Variants in CPNE4 observed in about 807,000 individuals in gnomAD.
CPNE4 encodes the protein copine 4, also known as copine-4.
A neutral mutation model predicts 67.9 loss-of-function variants in CPNE4; 25 were observed. That is an observed-to-expected ratio of 0.37 (90% CI 0.27 to 0.51). The LOEUF (loss-of-function observed/expected upper bound fraction) is 0.51. CPNE4 is among the 20% of genes least tolerant of loss of function. CPNE4 has a pLI of 0.93. For missense variants in CPNE4, 464 were observed against 690.8 expected, an observed-to-expected ratio of 0.67 and a Z score of 3.68; for synonymous variants, 242 against 244.9, an observed-to-expected ratio of 0.99 and a Z score of 0.11.
At chr3:131,675,942 T>A (rs1013365036) in intron 6 of CPNE4, among the ~76,000 whole-genome samples, 12 of 144,686 alleles carry the variant, frequency 8.3e-5, no homozygotes, top group Non-Finnish European at 1.3e-4. Flanking sequence ...TGGTTTATGT[T>A]TTTTTAAATT....
rs145360395 is a variant in CPNE4 at position 131,676,403 on chromosome 3, A to G, written c.592-6639T>C. 3.5e-3 allele frequency among the ~76,000 whole-genome samples: 537 copies of G among 152,190 alleles called. 3 individuals carry two copies. The highest frequency in any genetic ancestry group is 6.2e-3 in the Non-Finnish European group (424 of 67,986). On this transcript the variant is annotated intron_variant, in intron 6 of 15. Coordinates refer to ENST00000429747, the MANE Select transcript of CPNE4 (RefSeq NM_130808.3). ...TTTTAACTTCTAGTTTCAGGGGTAC[A>G]TATGCAGGATGTGCAGGTTTGTTAC...
chr3:131,918,717 G>A (rs980378127), intron 1 of CPNE4, among the ~76,000 whole-genome samples: 1 of 152,002 alleles, frequency 6.6e-6, no homozygotes, highest in African/African-American at 2.4e-5. Flanking sequence ...ACATAAAACA[G>A]TTTTTTTGTA....
intron 1 of CPNE4, among the ~76,000 whole-genome samples, chr3:131,983,584 G>T (rs530945722): frequency 6.6e-6 from 1 of 152,108 alleles, no homozygotes; most frequent in African/African-American, 2.4e-5. Flanking sequence ...TTGTATAAGG[G>T]TATAATTTAT....
intron 7 of CPNE4, among the ~76,000 whole-genome samples, chr3:131,644,195 TG>T (rs1018195536): frequency 6.6e-6 from 1 of 152,016 alleles, no homozygotes; most frequent in Non-Finnish European, 1.5e-5. Flanking sequence ...TCACCCAGGC[TG>T]GAGTGCAGTG....
intron 8 of CPNE4, among the ~76,000 whole-genome samples, chr3:131,583,874 C>T (rs748027733): frequency 6.6e-6 from 1 of 152,168 alleles, no homozygotes; most frequent in Non-Finnish European, 1.5e-5. Context: ...AAAGAACTTT[C>T]CCAGGTCATA....
At chr3:131,928,241 T>TTATACCATAATTAATG (rs533637014) in intron 1 of CPNE4, among the ~76,000 whole-genome samples, 1,941 of 152,236 alleles carry the variant, frequency 0.013, 29 homozygotes, top group African/African-American at 0.042. Context: ...CATGTATTAA[T>TTATACCATAATTAATG]TATACCATAA....
At chr3:131,670,491 C>T (rs1236439382) in intron 6 of CPNE4, among the ~76,000 whole-genome samples, 1 of 152,162 alleles carries the variant, frequency 6.6e-6, no homozygotes, top group Non-Finnish European at 1.5e-5. Flanking sequence ...AACTATGGTT[C>T]AAATAATTCA....
At chr3:131,686,490 A>G (rs985722984) in intron 5 of CPNE4, among the ~76,000 whole-genome samples, 52 of 152,226 alleles carry the variant, frequency 3.4e-4, no homozygotes, top group Non-Finnish European at 4.8e-4. Context: ...AGGTTTTTAC[A>G]TGAGTCTTTA....
chr3:131,899,823 T>C (rs9867845), intron 2 of CPNE4, among the ~76,000 whole-genome samples: 113,488 of 151,976 alleles, frequency 0.75, 42,721 homozygotes, highest in African/African-American at 0.83. Context: ...GGTAAAATTG[T>C]TATTTTGAGT....
chr3:131,632,792 G>A (rs1182200303), intron 7 of CPNE4, among the ~76,000 whole-genome samples: 2 of 151,936 alleles, frequency 1.3e-5, no homozygotes, highest in African/African-American at 4.8e-5. Flanking sequence ...CTCAGTCTTG[G>A]TACTGTTAAC....
At chr3:131,914,695 G>A (rs1255063414) in intron 1 of CPNE4, among the ~76,000 whole-genome samples, 1 of 152,094 alleles carries the variant, frequency 6.6e-6, no homozygotes, top group Non-Finnish European at 1.5e-5. Flanking sequence ...ACTTGCTTTC[G>A]GGTGGGCACG....
At chr3:131,984,412 A>G (rs1442113320) in intron 1 of CPNE4, among the ~76,000 whole-genome samples, 2 of 152,244 alleles carry the variant, frequency 1.3e-5, no homozygotes, top group African/African-American at 4.8e-5. Context: ...GAAATACACC[A>G]TGAGATATTT....
chr3:131,593,336 C>A (rs1241737196), intron 7 of CPNE4, among the ~76,000 whole-genome samples: 1 of 152,118 alleles, frequency 6.6e-6, no homozygotes, highest in African/African-American at 2.4e-5. Flanking sequence ...TGATTTCTTT[C>A]ATCAGTATTT....
At chr3:131,732,611 A>G (rs904608858) in intron 2 of CPNE4, among the ~76,000 whole-genome samples, 10 of 152,162 alleles carry the variant, frequency 6.6e-5, no homozygotes, top group Non-Finnish European at 1.5e-5. Flanking sequence ...CTGTCTGCCC[A>G]CCAAGTCCCT....
chr3:131,905,360 C>G lies in CPNE4; in HGVS notation c.84G>C (p.Leu28=). The G allele has an allele frequency of 6.2e-7, 1 of 1,613,610 alleles. No individual in the cohort carries two copies. The highest frequency in any genetic ancestry group is 8.5e-7 in the Non-Finnish European group (1 of 1,179,708). The change falls in exon 2 of 16, where the codon CTG becomes CTC. Residue 28 remains leucine, a synonymous_variant. Transcript: ENST00000429747. ...FNSPCLTKVE[L]RVACKGISDR... ...CAGAAATGCCTTTGCACGCCACACGCAGCTCAACTTTGGTCAGGCAGGGGC... is the reference window on the plus strand; with the variant it reads ...CAGAAATGCCTTTGCACGCCACACGGAGCTCAACTTTGGTCAGGCAGGGGC...
At chr3:131,872,037 G>C (rs191600967) in intron 2 of CPNE4, among the ~76,000 whole-genome samples, 1 of 152,244 alleles carries the variant, frequency 6.6e-6, no homozygotes, top group East Asian at 1.9e-4. Context: ...TGAGATCCTT[G>C]TTCCCCTACC....
In CPNE4 at chr3:131,587,710, A is replaced by G. The variant is rs906607783; in HGVS notation, c.682-128T>C. ...GTCTGGAACCAAAGCCTGGGAGTCTAAGATTGGAGCATATGGGATGTAATT... is the reference window on the plus strand; with the variant it reads ...GTCTGGAACCAAAGCCTGGGAGTCTGAGATTGGAGCATATGGGATGTAATT... On this transcript the variant is annotated intron_variant, in intron 7 of 15. Transcript: ENST00000429747. 11 of 673,218 alleles carry G rather than the reference A, an allele frequency of 1.6e-5. No homozygotes were observed. In the African/African-American group the frequency reaches 2.0e-4, roughly 12 times the overall value. 41.7% of individuals were successfully genotyped at this position (673,218 alleles called of 1,614,324 possible).
At chr3:131,613,201 T>C (rs957527206) in intron 7 of CPNE4, among the ~76,000 whole-genome samples, 3 of 152,196 alleles carry the variant, frequency 2.0e-5, no homozygotes, top group African/African-American at 7.2e-5. Flanking sequence ...GGTTCTATAG[T>C]TGAGCTTCTT....
chr3:131,555,631 C>A, intron 11 of CPNE4, 80 bp from the exon 12 acceptor site: 3 of 1,223,832 alleles, frequency 2.5e-6, no homozygotes, highest in Non-Finnish European at 3.6e-6. Context: ...CATTAACCTA[C>A]ATTACTAGGT....
Sources: gnomAD v4.1 joint callset for allele counts (sites outside exome capture counted in the v4.1 genomes callset) on GRCh38, gnomAD v4.1.1 for gene constraint, MANE v1.5 for transcripts, NCBI Gene and HGNC (gene_info 2026-07-23, HGNC 2026-07-21) for gene names.